MIPOL1: variants seen among roughly 807,000 people sequenced by gnomAD.
The protein encoded by MIPOL1 is mirror-image polydactyly 1, also known as mirror-image polydactyly gene 1 protein.
A neutral mutation model predicts 60.9 loss-of-function variants in MIPOL1; 57 were observed. The ratio of observed to expected loss-of-function variants is 0.94; its 90% CI spans 0.76 to 1.17. MIPOL1 has a LOEUF of 1.17. Among genes scored for constraint, MIPOL1 ranks in the 50% most tolerant of loss-of-function variants. The probability of loss-of-function intolerance (pLI) is 0.00; values close to 1 mark genes in which losing one functional copy is unlikely to be tolerated. For synonymous variants in MIPOL1, 179 were observed against 168.8 expected, an observed-to-expected ratio of 1.06 and a Z score of -0.47; for missense variants, 551 against 511.6, an observed-to-expected ratio of 1.08 and a Z score of -0.74.
At chr14:37,480,198 CT>C (rs1311480047) in intron 11 of MIPOL1, among the ~76,000 whole-genome samples, 2 of 152,214 alleles carry the variant, frequency 1.3e-5, no homozygotes, top group East Asian at 3.9e-4. Context: ...CTTCCAAACT[CT>C]TTTTGCAAGG....
chr14:37,344,456 T>C (rs2090798343), intron 9 of MIPOL1, among the ~76,000 whole-genome samples: 1 of 152,048 alleles, frequency 6.6e-6, no homozygotes, highest in South Asian at 2.1e-4. Context: ...TATCCAAATA[T>C]GGATACTTGA....
intron 12 of MIPOL1, among the ~76,000 whole-genome samples, chr14:37,518,474 A>G (rs562027078): frequency 6.6e-6 from 1 of 152,258 alleles, no homozygotes; most frequent in African/African-American, 2.4e-5. Context: ...AGCTGGGATA[A>G]CAGGCACACA....
chr14:37,384,500 C>G (rs554253517), intron 10 of MIPOL1, among the ~76,000 whole-genome samples: 50 of 151,702 alleles, frequency 3.3e-4, no homozygotes, highest in Middle Eastern at 6.8e-3. Context: ...GCTTACAGCA[C>G]AAAGAAACTA....
intron 9 of MIPOL1, among the ~76,000 whole-genome samples, chr14:37,319,616 A>G (rs963077662): frequency 1.3e-5 from 2 of 152,184 alleles, no homozygotes; most frequent in Non-Finnish European, 1.5e-5. Context: ...CAAGAAAAAC[A>G]AGGAGAGGAA....
At chr14:37,414,474 A>C (rs182466436) in intron 10 of MIPOL1, among the ~76,000 whole-genome samples, 3 of 152,160 alleles carry the variant, frequency 2.0e-5, no homozygotes, top group Non-Finnish European at 4.4e-5. Flanking sequence ...AGCCATGTAG[A>C]TATCTTCCCT....
chr14:37,330,935 C>T (rs2089626023), intron 9 of MIPOL1, among the ~76,000 whole-genome samples: 1 of 152,074 alleles, frequency 6.6e-6, no homozygotes, highest in African/African-American at 2.4e-5. Context: ...ATGGAGCAGA[C>T]ATCTGGCATA....
At chr14:37,222,608 C>T (rs1000152494) in intron 1 of MIPOL1, among the ~76,000 whole-genome samples, 2 of 152,122 alleles carry the variant, frequency 1.3e-5, no homozygotes, top group Admixed American at 6.5e-5. Context: ...TGCCTTTACT[C>T]AAGTTTCCAA....
chr14:37,342,778 A>C (rs1202517528), intron 9 of MIPOL1, among the ~76,000 whole-genome samples: 3 of 152,166 alleles, frequency 2.0e-5, no homozygotes, highest in African/African-American at 7.2e-5. Context: ...AAGAATGATA[A>C]TAGCACAGCT....
intron 9 of MIPOL1, among the ~76,000 whole-genome samples, chr14:37,366,640 G>A (rs2092479730): frequency 6.6e-6 from 1 of 151,998 alleles, no homozygotes; most frequent in Admixed American, 6.6e-5. Flanking sequence ...TGGACGAAAT[G>A]TTCCGTAACT....
chr14:37,358,855 A>G (rs934938895), intron 9 of MIPOL1, among the ~76,000 whole-genome samples: 3 of 152,010 alleles, frequency 2.0e-5, no homozygotes, highest in South Asian at 2.1e-4. Context: ...CTATTTGTCA[A>G]TTTTGGCTTT....
At chr14:37,515,443 T>G (rs2153627507) in intron 12 of MIPOL1, among the ~76,000 whole-genome samples, 1 of 152,320 alleles carries the variant, frequency 6.6e-6, no homozygotes, top group South Asian at 2.1e-4. Context: ...TTTAGTTGCT[T>G]TGGCATTTAT....
chr14:37,316,361 A>T (rs1424452589), intron 9 of MIPOL1, among the ~76,000 whole-genome samples: 1 of 152,042 alleles, frequency 6.6e-6, no homozygotes, highest in Non-Finnish European at 1.5e-5. Context: ...GAGCGTAGTC[A>T]GTTCCCTTGA....
At chr14:37,240,759 G>C (rs1476053019) in intron 1 of MIPOL1, among the ~76,000 whole-genome samples, 5 of 151,872 alleles carry the variant, frequency 3.3e-5, no homozygotes. Context: ...TTCTCAAAGT[G>C]TCATTTGCAG....
chr14:37,466,028 G>A (rs1352505219), intron 11 of MIPOL1, among the ~76,000 whole-genome samples: 1 of 152,118 alleles, frequency 6.6e-6, no homozygotes, highest in African/African-American at 2.4e-5. Flanking sequence ...AATTTAAAAA[G>A]TCAATAGGCA....
intron 1 of MIPOL1, among the ~76,000 whole-genome samples, chr14:37,220,167 G>A (rs964666284): frequency 9.9e-5 from 15 of 152,118 alleles, no homozygotes; most frequent in East Asian, 5.8e-4. Flanking sequence ...ATAAGTGTTC[G>A]TCACATAATT....
At chr14:37,288,979 AT>A (rs2084821649) in intron 7 of MIPOL1, among the ~76,000 whole-genome samples, 1 of 152,192 alleles carries the variant, frequency 6.6e-6, no homozygotes, top group South Asian at 2.1e-4. Flanking sequence ...TTCATTATGA[AT>A]TTCACATTAA....
chr14:37,482,500 G>T (rs988142594), intron 11 of MIPOL1, among the ~76,000 whole-genome samples: 5 of 152,066 alleles, frequency 3.3e-5, no homozygotes, highest in African/African-American at 9.7e-5. Flanking sequence ...GGCTGAGGGG[G>T]GCCTCAGGAA....
chr14:37,280,512 C>G (rs1280738537), intron 6 of MIPOL1, among the ~76,000 whole-genome samples: 4 of 152,216 alleles, frequency 2.6e-5, no homozygotes, highest in Admixed American at 2.0e-4. Context: ...AATAGCCAAT[C>G]TAACGGGTGA....
chr14:37,437,770 A>G (rs986345018), intron 11 of MIPOL1, among the ~76,000 whole-genome samples: 1 of 152,166 alleles, frequency 6.6e-6, no homozygotes, highest in African/African-American at 2.4e-5. Context: ...TTTTAGAATA[A>G]CCAAATCAAA....
Sources: gnomAD v4.1 joint callset for allele counts (sites outside exome capture counted in the v4.1 genomes callset) on GRCh38, gnomAD v4.1.1 for gene constraint, MANE v1.5 for transcripts, NCBI Gene and HGNC (gene_info 2026-07-23, HGNC 2026-07-21) for gene names.